CD96: variants seen among roughly 807,000 people sequenced by gnomAD.
CD96 encodes the protein T-cell surface protein tactile.
Under a neutral mutation model 71.3 loss-of-function variants are expected in CD96, and 70 were observed. The observed-to-expected ratio is 0.98, with a 90% confidence interval of 0.81 to 1.20. The LOEUF (loss-of-function observed/expected upper bound fraction) is 1.20. Ranked by LOEUF, CD96 falls within the 50% of genes most tolerant of loss-of-function variation. The probability of loss-of-function intolerance (pLI) is 0.00; values close to 1 mark genes in which losing one functional copy is unlikely to be tolerated. For synonymous variants in CD96, 248 were observed against 233.0 expected (o/e 1.06, Z -0.59); for missense variants, 742 against 677.5 (o/e 1.10, Z -1.06).
chr3:111,553,894 G>C (rs1288355970), intron 2 of CD96, among the ~76,000 whole-genome samples: 2 of 151,754 alleles, frequency 1.3e-5, no homozygotes, highest in African/African-American at 4.8e-5. Context: ...TGTTATATAA[G>C]TTGCAAATAT....
intron 12 of CD96, among the ~76,000 whole-genome samples, chr3:111,639,058 G>T (rs1343158458): frequency 6.6e-6 from 1 of 152,186 alleles, no homozygotes; most frequent in African/African-American, 2.4e-5. Flanking sequence ...AGCAGGACTA[G>T]ATTGCAACTC....
chr3:111,563,017 C>A (rs1398748), intron 2 of CD96, among the ~76,000 whole-genome samples: 2 of 152,030 alleles, frequency 1.3e-5, no homozygotes, highest in Non-Finnish European at 2.9e-5. Context: ...CTGGTGAGGG[C>A]CTGCTTGCTA....
chr3:111,570,255 A>G (rs1298568009), intron 3 of CD96, among the ~76,000 whole-genome samples: 2 of 152,078 alleles, frequency 1.3e-5, no homozygotes, highest in Admixed American at 6.5e-5. Context: ...CAGCAGACCT[A>G]TTGGGAATTT....
chr3:111,658,701 T>C (rs1266805915), intron 14 of CD96, among the ~76,000 whole-genome samples: 1 of 152,210 alleles, frequency 6.6e-6, no homozygotes, highest in African/African-American at 2.4e-5. Flanking sequence ...CCAAATGTAA[T>C]ACTCTGGGAA....
chr3:111,550,879 G>C (rs55882110), intron 2 of CD96, among the ~76,000 whole-genome samples: 20 of 152,244 alleles, frequency 1.3e-4, no homozygotes, highest in Non-Finnish European at 2.6e-4. Flanking sequence ...TTCGCACAAG[G>C]CTTTCTCCAG....
Position 111,622,781 on chromosome 3 carries a change from ATAAC to A in CD96, c.1181-970_1181-967del, listed in dbSNP as rs144998115. ...TTTCTTTTTAATCACAACAAAAAGA[ATAAC>A]TATTTCTCTAGCTATTCATAATAAT... On this transcript the variant is annotated intron_variant, in intron 8 of 13. Transcript: ENST00000352690. Among the ~76,000 whole-genome samples the A allele has an allele frequency of 7.5e-3, 1,144 of 152,360 alleles. 16 individuals are homozygous for A. The highest frequency in any genetic ancestry group is 0.026 in the African/African-American group (1,085 of 41,584).
At chr3:111,646,931 T>C (rs1939855582) in intron 12 of CD96, among the ~76,000 whole-genome samples, 2 of 151,998 alleles carry the variant, frequency 1.3e-5, no homozygotes, top group African/African-American at 4.8e-5. Flanking sequence ...TGGATGGAAC[T>C]GGAGACCATT....
chr3:111,581,766 T>G (rs1936477263), intron 4 of CD96, among the ~76,000 whole-genome samples: 1 of 152,226 alleles, frequency 6.6e-6, no homozygotes, highest in Non-Finnish European at 1.5e-5. Flanking sequence ...TGCTGGTATT[T>G]GTTAACAGGA....
At chr3:111,632,558 G>A (rs1338591997) in intron 10 of CD96, among the ~76,000 whole-genome samples, 1 of 152,144 alleles carries the variant, frequency 6.6e-6, no homozygotes, top group East Asian at 1.9e-4. Flanking sequence ...AAGACATTGT[G>A]GCGATTCCTC....
chr3:111,554,792 A>C (rs983705855), intron 2 of CD96, among the ~76,000 whole-genome samples: 8 of 152,010 alleles, frequency 5.3e-5, no homozygotes, highest in African/African-American at 1.7e-4. Flanking sequence ...TTATTATTAC[A>C]TTGTAATATA....
rs72869843 is a variant in CD96 at position 111,645,120 on chromosome 3, A to G, written c.1478-2423A>G. Among the ~76,000 whole-genome samples the G allele has an allele frequency of 7.8e-3, 1,195 of 152,316 alleles. 18 individuals carry two copies. The highest frequency in any genetic ancestry group is 0.027 in the African/African-American group (1,109 of 41,570). ...AATCGTGGAACCAACCCAAATGCCC[A>G]TCAATCAATGAGTGGATAAAGAAAC... On this transcript the variant is annotated intron_variant, in intron 12 of 13. Coordinates refer to ENST00000352690, the MANE Select transcript of CD96 (RefSeq NM_005816.5).
intron 2 of CD96, among the ~76,000 whole-genome samples, chr3:111,566,175 A>G (rs1935700987): frequency 6.6e-6 from 1 of 151,554 alleles, no homozygotes; most frequent in Non-Finnish European, 1.5e-5. Flanking sequence ...ACCGTTTTAT[A>G]ACATATATAT....
intron 5 of CD96, chr3:111,593,756 A>G (rs747052026): frequency 6.2e-7 from 1 of 1,614,076 alleles, no homozygotes. Context: ...CCACAAAGCC[A>G]TGGTGCCCAC....
intron 5 of CD96, among the ~76,000 whole-genome samples, chr3:111,592,047 A>G (rs1375387310): frequency 6.6e-6 from 1 of 152,198 alleles, no homozygotes; most frequent in African/African-American, 2.4e-5. Context: ...TGCTGTCTTT[A>G]TCTATTCCTG....
At chr3:111,611,288 C>T (rs948278701) in intron 8 of CD96, among the ~76,000 whole-genome samples, 1 of 152,154 alleles carries the variant, frequency 6.6e-6, no homozygotes, top group East Asian at 1.9e-4. Context: ...GATGATCAGA[C>T]ATTGAGGGGC....
intron 14 of CD96, among the ~76,000 whole-genome samples, chr3:111,664,792 C>T (rs914775409): frequency 6.6e-6 from 1 of 152,100 alleles, no homozygotes; most frequent in African/African-American, 2.4e-5. Flanking sequence ...CAATTGATTG[C>T]AATACCTAAC....
chr3:111,591,438 C>T (rs1295131128), intron 5 of CD96, among the ~76,000 whole-genome samples: 1 of 149,900 alleles, frequency 6.7e-6, no homozygotes, highest in Non-Finnish European at 1.5e-5. Flanking sequence ...ATCAGCAGAG[C>T]TCCAGCATCT....
chr3:111,578,902 T>G (rs1936341147), intron 3 of CD96, 125 bp from the exon 4 acceptor site: 3 of 714,862 alleles, frequency 4.2e-6, no homozygotes, highest in South Asian at 3.0e-5. Context: ...AAATGTCTTC[T>G]AATTTCAATC....
At chr3:111,612,125 G>T (rs1937976422) in intron 8 of CD96, among the ~76,000 whole-genome samples, 1 of 152,176 alleles carries the variant, frequency 6.6e-6, no homozygotes, top group Admixed American at 6.5e-5. Context: ...TTTTGTATGT[G>T]GGAAAATGTC....
Sources: gnomAD v4.1 joint callset for allele counts (sites outside exome capture counted in the v4.1 genomes callset) on GRCh38, gnomAD v4.1.1 for gene constraint, MANE v1.5 for transcripts, NCBI Gene and HGNC (gene_info 2026-07-23, HGNC 2026-07-21) for gene names.